The following FARS2 variants were observed in gnomAD, a reference collection of about 807,000 sequenced individuals.
The protein encoded by FARS2 is phenylalanyl-tRNA synthetase 2, mitochondrial.
In FARS2, 40 loss-of-function variants were observed where a neutral mutation model predicts 46.4. That is an observed-to-expected ratio of 0.86 (90% CI 0.67 to 1.12). FARS2 has a LOEUF of 1.12. Ranked by LOEUF, FARS2 falls within the 50% of genes most tolerant of loss-of-function variation. FARS2 has a pLI of 0.00. For missense variants in FARS2, 513 were observed against 567.9 expected (o/e 0.90, Z 0.98); for synonymous variants, 234 against 214.9 (o/e 1.09, Z -0.78).
At chr6:5,716,766 A>G (rs1759515240) in intron 6 of FARS2, among the ~76,000 whole-genome samples, 1 of 152,228 alleles carries the variant, frequency 6.6e-6, no homozygotes, top group South Asian at 2.1e-4. Context: ...CTTATTTTGA[A>G]GGATATAACA....
At chr6:5,506,238 T>C (rs1768090317) in intron 4 of FARS2, among the ~76,000 whole-genome samples, 2 of 152,142 alleles carry the variant, frequency 1.3e-5, no homozygotes, top group African/African-American at 2.4e-5. Flanking sequence ...GACCAGCAAG[T>C]AACTTGCTCC....
intron 6 of FARS2, among the ~76,000 whole-genome samples, chr6:5,622,693 G>A (rs1041471099): frequency 6.6e-6 from 1 of 152,208 alleles, no homozygotes; most frequent in African/African-American, 2.4e-5. Flanking sequence ...GAAGTGGAGA[G>A]AGACAGCCTT....
At chr6:5,629,379 T>C (rs1488348935) in intron 6 of FARS2, among the ~76,000 whole-genome samples, 1 of 152,186 alleles carries the variant, frequency 6.6e-6, no homozygotes, top group African/African-American at 2.4e-5. Context: ...GTGGTTCAGC[T>C]GAATCTTGAA....
chr6:5,710,551 C>T (rs941336954), intron 6 of FARS2, among the ~76,000 whole-genome samples: 13 of 152,236 alleles, frequency 8.5e-5, no homozygotes, highest in African/African-American at 4.8e-5. Context: ...CGGCTTCCCC[C>T]GCTCACTTCC....
intron 6 of FARS2, among the ~76,000 whole-genome samples, chr6:5,744,315 A>G (rs1194906375): frequency 6.6e-6 from 1 of 152,200 alleles, no homozygotes; most frequent in Non-Finnish European, 1.5e-5. Context: ...ATTCAGTCCA[A>G]CACAGTTCTG....
intron 3 of FARS2, among the ~76,000 whole-genome samples, chr6:5,407,619 A>G (rs1312655023): frequency 6.6e-6 from 1 of 152,146 alleles, no homozygotes; most frequent in Non-Finnish European, 1.5e-5. Flanking sequence ...TTTTTAAACT[A>G]AAGTTAAATA....
intron 5 of FARS2, among the ~76,000 whole-genome samples, chr6:5,573,094 A>G (rs2150563604): frequency 6.6e-6 from 1 of 152,190 alleles, no homozygotes; most frequent in South Asian, 2.1e-4. Context: ...GTCACATAGG[A>G]CTTCTATTTT....
At chr6:5,721,432 GA>G (rs1759900054) in intron 6 of FARS2, among the ~76,000 whole-genome samples, 1 of 152,322 alleles carries the variant, frequency 6.6e-6, no homozygotes, top group East Asian at 1.9e-4. Context: ...GTTGCATTGT[GA>G]AATCTGAAAT....
chr6:5,461,273 C>A (rs556326396), intron 4 of FARS2, among the ~76,000 whole-genome samples: 1 of 152,140 alleles, frequency 6.6e-6, no homozygotes, highest in Non-Finnish European at 1.5e-5. Context: ...CACCGGAGCT[C>A]AGGTGATCCA....
intron 6 of FARS2, among the ~76,000 whole-genome samples, chr6:5,633,547 C>T (rs761541034): frequency 4.6e-5 from 7 of 151,996 alleles, no homozygotes; most frequent in East Asian, 1.9e-4. Flanking sequence ...GGATTACAGG[C>T]GTGAGCCACC....
rs1187866001 is a variant in FARS2, at chr6:5,545,355, A to G, written c.1065+15A>G. On this transcript the variant is annotated intron_variant, in intron 5 of 6. Coordinates refer to ENST00000274680, the MANE Select transcript of FARS2 (RefSeq NM_006567.5). ...TGAAGTTTCAGGTAAGATGACTTGCAAGAACTGAATAGATAATAATAAAAA... is the reference window on the plus strand; with the variant it reads ...TGAAGTTTCAGGTAAGATGACTTGCGAGAACTGAATAGATAATAATAAAAA... 6.2e-7 allele frequency: 1 copy of G among 1,608,100 alleles called. No homozygotes were observed. The highest frequency in any genetic ancestry group is 1.7e-4 in the Middle Eastern group (1 of 6,040).
chr6:5,649,460 T>A (rs1358255447), intron 6 of FARS2, among the ~76,000 whole-genome samples: 1 of 152,210 alleles, frequency 6.6e-6, no homozygotes, highest in Non-Finnish European at 1.5e-5. Context: ...AAGCTTCTGG[T>A]GACCCTTGAG....
chr6:5,252,184 T>A, the FARS2 span, among the ~76,000 whole-genome samples: 5 of 152,152 alleles, frequency 3.3e-5, no homozygotes, highest in Non-Finnish European at 7.4e-5. Context: ...CTTCTCCAGG[T>A]TGATGTTTCT....
chr6:5,466,185 T>G (rs1765504857), intron 4 of FARS2, among the ~76,000 whole-genome samples: 1 of 152,232 alleles, frequency 6.6e-6, no homozygotes, highest in Admixed American at 6.5e-5. Flanking sequence ...CTGTAGTGCC[T>G]TCCCCATTCC....
intron 6 of FARS2, among the ~76,000 whole-genome samples, chr6:5,674,874 CCT>C (rs1561792542): frequency 6.6e-6 from 1 of 152,130 alleles, no homozygotes; most frequent in Non-Finnish European, 1.5e-5. Context: ...TGGTCTAGTT[CCT>C]TCATTATACA....
chr6:5,446,102 C>G (rs1764172195), intron 4 of FARS2, among the ~76,000 whole-genome samples: 1 of 151,706 alleles, frequency 6.6e-6, no homozygotes, highest in South Asian at 2.1e-4. Context: ...ACTCAGGAGG[C>G]TGAGGCAGGA....
intron 1 of FARS2, among the ~76,000 whole-genome samples, chr6:5,279,286 A>T (rs1210324156): frequency 6.6e-6 from 1 of 150,486 alleles, no homozygotes; most frequent in Non-Finnish European, 1.5e-5. Context: ...CTGAGGCAGG[A>T]GAATCACTTG....
chr6:5,543,551 G>C (rs1286404480), intron 4 of FARS2, among the ~76,000 whole-genome samples: 6 of 152,066 alleles, frequency 3.9e-5, no homozygotes. Flanking sequence ...TTTTGGTAGA[G>C]ACGGGGTTTC....
At chr6:5,515,196 A>G (rs994696676) in intron 4 of FARS2, among the ~76,000 whole-genome samples, 2 of 152,110 alleles carry the variant, frequency 1.3e-5, no homozygotes, top group Admixed American at 6.5e-5. Context: ...CTTTTTTGTA[A>G]TTCTGGAAAT....
Sources: gnomAD v4.1 joint callset for allele counts (sites outside exome capture counted in the v4.1 genomes callset) on GRCh38, gnomAD v4.1.1 for gene constraint, MANE v1.5 for transcripts, NCBI Gene and HGNC (gene_info 2026-07-23, HGNC 2026-07-21) for gene names.